The following PIK3R3 variants were observed in gnomAD, a reference collection of about 807,000 sequenced individuals.
PIK3R3 encodes phosphatidylinositol 3-kinase regulatory subunit gamma.
In PIK3R3, 64 loss-of-function variants were observed where a neutral mutation model predicts 62.9. That is an observed-to-expected ratio of 1.02 (90% CI 0.83 to 1.25). PIK3R3 has a LOEUF of 1.25. Among genes scored for constraint, PIK3R3 ranks in the 50% most tolerant of loss-of-function variants. The probability of loss-of-function intolerance (pLI) is 0.00; values close to 1 mark genes in which losing one functional copy is unlikely to be tolerated. For synonymous variants in PIK3R3, 165 were observed against 189.0 expected (o/e 0.87, Z 1.04); for missense variants, 614 against 561.6 (o/e 1.09, Z -0.94).
At chr1:46,065,982 G>A in intron 5 of PIK3R3, 72 bp downstream of exon 5, 2 of 1,341,992 alleles carry the variant, frequency 1.5e-6, no homozygotes, top group Non-Finnish European at 1.1e-6. Context: ...AGATCATCAA[G>A]TGAATGATCG....
At chr1:46,139,700 C>G in the PIK3R3 span, among the ~76,000 whole-genome samples, 4 of 152,222 alleles carry the variant, frequency 2.6e-5, no homozygotes, top group Admixed American at 6.5e-5. Flanking sequence ...TCTTCAACAG[C>G]CTTACACTCT....
the PIK3R3 span, among the ~76,000 whole-genome samples, chr1:46,161,094 A>G: frequency 1.3e-5 from 2 of 152,106 alleles, no homozygotes; most frequent in Admixed American, 6.5e-5. Context: ...TGATTCACTT[A>G]TCAAATTTGC....
intron 1 of PIK3R3, among the ~76,000 whole-genome samples, chr1:46,086,465 C>T (rs1557595144): frequency 6.6e-6 from 1 of 151,946 alleles, no homozygotes. Context: ...TTTGGGAGGT[C>T]GAGGCAGGTG....
chr1:46,129,594 G>A (rs921232197), intron 1 of PIK3R3, among the ~76,000 whole-genome samples: 4 of 152,056 alleles, frequency 2.6e-5, no homozygotes, highest in Non-Finnish European at 5.9e-5. Context: ...CAGCAGTCCA[G>A]GAAGGAAATA....
In PIK3R3 at chr1:46,099,619, G is replaced by A. The variant is rs115287502; in HGVS notation, c.107-18869C>T. Among the ~76,000 whole-genome samples, 922 of 152,190 alleles carry A rather than the reference G, an allele frequency of 6.1e-3. 9 individuals are homozygous for A. The highest frequency in any genetic ancestry group is 0.021 in the African/African-American group (887 of 41,518). ...TTCTCACCGTTCTCTACCATTACAT[G>A]AATATTCTATAATTTCTTCATTTTC... On this transcript the variant is annotated intron_variant, in intron 1 of 9. Transcript: ENST00000262741.
intron 1 of PIK3R3, among the ~76,000 whole-genome samples, chr1:46,087,619 G>GACACAGGGTCTCACT (rs1553150696): frequency 4.2e-5 from 4 of 96,044 alleles, no homozygotes; most frequent in Non-Finnish European, 6.2e-5. Flanking sequence ...TTTTTTGGTA[G>GACACAGGGTCTCACT]ACACAGGGTC....
At position 46,127,350 on chromosome 1, in the gene PIK3R3, A is replaced by AT. The variant is rs1239135733; in HGVS notation, c.106+4496_106+4497insA. On this transcript the variant is annotated intron_variant, in intron 1 of 9. Transcript: ENST00000262741. ...AAGGTGAGACCCTGCCTCAAAAAAA[A>AT]AAAAAAATATATATATATATACATA... Among the ~76,000 whole-genome samples the AT allele has an allele frequency of 5.0e-5, 7 of 141,388 alleles. No individual in the cohort carries two copies. In the East Asian group the frequency reaches 7.7e-4, roughly 16 times the overall value. 92.8% of individuals were successfully genotyped at this position (141,388 alleles called of 152,430 possible).
At chr1:46,089,316 T>A (rs942518553) in intron 1 of PIK3R3, among the ~76,000 whole-genome samples, 1 of 152,158 alleles carries the variant, frequency 6.6e-6, no homozygotes, top group Non-Finnish European at 1.5e-5. Flanking sequence ...AAGAAAAGAA[T>A]GGAAATGGTA....
intron 1 of PIK3R3, among the ~76,000 whole-genome samples, chr1:46,120,136 A>G (rs1225426389): frequency 1.3e-5 from 2 of 152,194 alleles, no homozygotes; most frequent in East Asian, 1.9e-4. Context: ...CTACACTAAC[A>G]CTATTCCAAT....
At chr1:46,126,133 T>C (rs1004811671) in intron 1 of PIK3R3, among the ~76,000 whole-genome samples, 3 of 152,162 alleles carry the variant, frequency 2.0e-5, no homozygotes, top group African/African-American at 7.2e-5. Flanking sequence ...ACTAAGATAC[T>C]ATTGGCCATT....
At position 46,132,213 on chromosome 1, in the gene PIK3R3, G is replaced by A. The variant is rs1406923972; in HGVS notation, c.-261C>T. On this transcript the variant is annotated 5_prime_UTR_variant, in exon 1 of 10. Transcript: ENST00000262741. ...ATTACACAGAGGCTTGGGGGACGGA[G>A]AGCAGAGGTGTTAAAAAGCGGCTTC... The A allele has an allele frequency of 8.2e-7, 1 of 1,219,512 alleles. No homozygotes were observed. The highest frequency in any genetic ancestry group is 1.0e-6 in the Non-Finnish European group (1 of 972,520). The allele number at this position is 1,219,512 out of a possible 1,614,324, so 75.5% of individuals were successfully genotyped here.
At chr1:46,173,346 G>A in the PIK3R3 span, among the ~76,000 whole-genome samples, 25 of 152,340 alleles carry the variant, frequency 1.6e-4, no homozygotes, top group African/African-American at 5.3e-4. Context: ...CTCTCACTGA[G>A]CTATAATTCC....
At position 46,066,181 on chromosome 1, in the gene PIK3R3, T is replaced by A; in HGVS notation, c.496-2A>T. ...ATTATCTTCTTTTACCAACTGATCC[T>A]ATACAGGTAAAGAAAAAAATAAAGA... On this transcript the variant is annotated splice_acceptor_variant, in intron 4 of 9. Coordinates refer to ENST00000262741, the MANE Select transcript of PIK3R3 (RefSeq NM_003629.4). LOFTEE classifies it high-confidence loss of function. 6.5e-7 allele frequency: 1 copy of A among 1,548,596 alleles called. No individual in the cohort carries two copies. The highest frequency in any genetic ancestry group is 8.9e-7 in the Non-Finnish European group (1 of 1,129,458).
intron 7 of PIK3R3, among the ~76,000 whole-genome samples, chr1:46,055,183 A>T (rs1487440056): frequency 6.9e-6 from 1 of 145,944 alleles, no homozygotes; most frequent in Non-Finnish European, 1.5e-5. Context: ...ATCTCGGCTC[A>T]CTGCAACCTC....
chr1:46,088,551 G>A (rs2149424360), intron 1 of PIK3R3, among the ~76,000 whole-genome samples: 1 of 152,196 alleles, frequency 6.6e-6, no homozygotes, highest in Non-Finnish European at 1.5e-5. Context: ...AAATTTTTAA[G>A]TTGTTCACAA....
chr1:46,140,711 GA>G, the PIK3R3 span, among the ~76,000 whole-genome samples: 1 of 152,160 alleles, frequency 6.6e-6, no homozygotes, highest in Non-Finnish European at 1.5e-5. Context: ...CAGAAACTAA[GA>G]AAGAAACATG....
At chr1:46,066,878 C>T (rs756785637) in intron 4 of PIK3R3, 33 bp downstream of exon 4, 1 of 1,529,880 alleles carries the variant, frequency 6.5e-7, no homozygotes, top group South Asian at 1.1e-5. Flanking sequence ...TAATCACTTG[C>T]TCAATAGCTA....
intron 7 of PIK3R3, among the ~76,000 whole-genome samples, chr1:46,049,391 G>C (rs1378552076): frequency 2.0e-5 from 3 of 152,224 alleles, no homozygotes; most frequent in African/African-American, 4.8e-5. Context: ...GAGAGAGAAG[G>C]ACAGGAGAAA....
At chr1:46,159,051 C>T in the PIK3R3 span, among the ~76,000 whole-genome samples, 1 of 151,898 alleles carries the variant, frequency 6.6e-6, no homozygotes, top group Non-Finnish European at 1.5e-5. Flanking sequence ...GGCACCACTG[C>T]ACTCCAGCCT....
Sources: gnomAD v4.1 joint callset for allele counts (sites outside exome capture counted in the v4.1 genomes callset) on GRCh38, gnomAD v4.1.1 for gene constraint, MANE v1.5 for transcripts, NCBI Gene and HGNC (gene_info 2026-07-23, HGNC 2026-07-21) for gene names.